PMPCB: variants seen among roughly 807,000 people sequenced by gnomAD.
The protein encoded by PMPCB is mitochondrial-processing peptidase subunit beta.
PMPCB carries 46 observed loss-of-function variants against 61.5 expected under a neutral mutation model. That is an observed-to-expected ratio of 0.75 (90% CI 0.59 to 0.96). The LOEUF (loss-of-function observed/expected upper bound fraction) is 0.96. Among genes scored for constraint, PMPCB ranks in the 40% least tolerant of loss-of-function variants. PMPCB has a pLI of 0.00. For synonymous variants in PMPCB, 191 were observed against 201.6 expected (o/e 0.95, Z 0.44); for missense variants, 590 against 602.4 (o/e 0.98, Z 0.22).
intron 4 of PMPCB, 55 bp from the exon 5 acceptor site, chr7:103,303,787 T>C: frequency 7.7e-7 from 1 of 1,294,332 alleles, no homozygotes. Context: ...TAATAGATTT[T>C]AATAGTGAAA....
chr7:103,337,465 A>C, the PMPCB span: 1 of 314,464 alleles, frequency 3.2e-6, no homozygotes, highest in Admixed American at 4.9e-5. Context: ...ATTTTTTAAA[A>C]GCTTGCCATT....
At position 103,298,575 on chromosome 7, in the gene PMPCB, A is replaced by G; in HGVS notation, c.107A>G (p.Tyr36Cys). 2 of 1,613,890 alleles carry G rather than the reference A, an allele frequency of 1.2e-6. No individual in the cohort carries two copies. Among genetic ancestry groups the G allele is most frequent in the African/African-American group, 1.3e-5 (1 of 75,016 alleles). Residue 36 changes from tyrosine to cysteine, a missense_variant, in exon 2 of 13, where the codon TAT becomes TGT. Coordinates refer to ENST00000249269, the MANE Select transcript of PMPCB (RefSeq NM_004279.3). ...LIRGAAGRSL[Y>C]FGENRLRSTQ... The stretch of plus-strand genomic sequence containing the variant: ...CTTCCTACCCCCAACCAGTCATTAT[A>G]TTTTGGAGAGAACAGATTAAGAAGT...
At chr7:103,329,213 C>T (rs1238019091) in exon 13 of PMPCB, 2 of 250,946 alleles carry the variant, frequency 8.0e-6, no homozygotes, top group South Asian at 4.0e-5. Context: ...TTGACATGTG[C>T]CAGGCCTGTT....
downstream of PMPCB, among the ~76,000 whole-genome samples, chr7:103,317,998 T>C (rs1367176370): frequency 6.6e-6 from 1 of 152,206 alleles, no homozygotes; most frequent in Non-Finnish European, 1.5e-5. Context: ...TACATCTATC[T>C]GATGCACCTT....
the PMPCB span, among the ~76,000 whole-genome samples, chr7:103,346,238 T>A: frequency 6.6e-6 from 1 of 152,146 alleles, no homozygotes; most frequent in African/African-American, 2.4e-5. Context: ...GTTCAAGCGA[T>A]TCTCCTGCCT....
downstream of PMPCB, among the ~76,000 whole-genome samples, chr7:103,318,306 C>T (rs1244693852): frequency 1.3e-5 from 2 of 152,154 alleles, no homozygotes; most frequent in African/African-American, 4.8e-5. Flanking sequence ...GTTGGGACTA[C>T]AGGTACACGA....
rs1346196939 is a variant in PMPCB at position 103,313,690 on chromosome 7, C to T, written c.*1419C>T. ...GTCACATCTGCTAAAATCTTGGGAG[C>T]CGATGCTGAACACTTCCAATAACTG... On this transcript the variant is annotated 3_prime_UTR_variant, in exon 13 of 13. Coordinates refer to ENST00000249269, the MANE Select transcript of PMPCB (RefSeq NM_004279.3). The T allele has an allele frequency of 1.0e-6, 1 of 985,250 alleles. No individual in the cohort carries two copies. The highest frequency in any genetic ancestry group is 1.7e-5 in the African/African-American group (1 of 57,210). 61.0% of individuals were successfully genotyped at this position (985,250 alleles called of 1,614,324 possible). A position where few individuals can be genotyped will look rare whatever the true frequency, so the allele number is the denominator to read the frequency against.
chr7:103,301,503 G>T (rs1817449768), intron 4 of PMPCB, among the ~76,000 whole-genome samples: 1 of 152,144 alleles, frequency 6.6e-6, no homozygotes, highest in Admixed American at 6.5e-5. Context: ...CAGAACAACA[G>T]GGAAGGCAAA....
In PMPCB at chr7:103,319,706, CTT is replaced by C. The variant is rs778369168; in HGVS notation, c.*1431+7577_*1431+7578del. ...AAAGAAAAAAAAAGAAGAAATGAAA[CTT>C]TATCCTAAGCTCAAGTGAAGACTTC... On this transcript the variant is annotated intron_variant and NMD_transcript_variant, in intron 12 of 12. Transcript: ENST00000444457. The C allele has an allele frequency of 7.4e-6, 12 of 1,613,920 alleles. No individual in the cohort carries two copies. In the South Asian group the frequency reaches 1.2e-4, roughly 16 times the overall value.
At chr7:103,343,731 T>C in the PMPCB span, among the ~76,000 whole-genome samples, 1 of 152,198 alleles carries the variant, frequency 6.6e-6, no homozygotes, top group Admixed American at 6.5e-5. Flanking sequence ...TCCTCCACCT[T>C]ACACAGGAGA....
chr7:103,311,937 A>T (rs758485516), intron 11 of PMPCB, 41 bp downstream of exon 11: 4 of 1,519,010 alleles, frequency 2.6e-6, no homozygotes, highest in Non-Finnish European at 3.6e-6. Flanking sequence ...GTGTAAAAAG[A>T]TCCTTGTTAC....
chr7:103,314,016 A>G lies in PMPCB; in HGVS notation c.*1745A>G. 1 of 985,408 alleles carries G rather than the reference A, an allele frequency of 1.0e-6. No homozygotes were observed. Among genetic ancestry groups the G allele is most frequent in the South Asian group, 4.7e-5 (1 of 21,288 alleles). 61.0% of individuals were successfully genotyped at this position (985,408 alleles called of 1,614,324 possible). Reference sequence around the variant, plus strand: ...TAGAAACCAAAGTTCCTTCCCAATTAAAGAAGGAAAAACAAAACAAAACAA... The same window carrying G: ...TAGAAACCAAAGTTCCTTCCCAATTGAAGAAGGAAAAACAAAACAAAACAA... On this transcript the variant is annotated 3_prime_UTR_variant, in exon 13 of 13. Coordinates refer to ENST00000249269, the MANE Select transcript of PMPCB (RefSeq NM_004279.3).
intron 12 of PMPCB, among the ~76,000 whole-genome samples, chr7:103,326,308 A>T (rs1274691186): frequency 1.3e-5 from 2 of 152,168 alleles, no homozygotes; most frequent in African/African-American, 4.8e-5. Context: ...ACTTCCCATA[A>T]ATTGTACAGA....
rs1817947729 is a variant in PMPCB, at chr7:103,314,657, A to G, written c.*2386A>G. 1 of 985,278 alleles carries G rather than the reference A, an allele frequency of 1.0e-6. No individual in the cohort carries two copies. Among genetic ancestry groups the G allele is most frequent in the Non-Finnish European group, 1.2e-6 (1 of 829,884 alleles). The allele number at this position is 985,278 out of a possible 1,614,324, so 61.0% of individuals were successfully genotyped here. A position where few individuals can be genotyped will look rare whatever the true frequency, so the allele number is the denominator to read the frequency against. ...AAACCCTGCCTTGTTACTTACCTTT[A>G]TTAAAAGAACCGAAATAATGCCTAA... On this transcript the variant is annotated 3_prime_UTR_variant, in exon 13 of 13. Coordinates refer to ENST00000249269, the MANE Select transcript of PMPCB (RefSeq NM_004279.3).
Position 103,312,078 on chromosome 7 carries a change from G to C in PMPCB, c.1352G>C (p.Arg451Pro). 1 of 1,613,864 alleles carries C rather than the reference G, an allele frequency of 6.2e-7. No homozygotes were observed. The highest frequency in any genetic ancestry group is 8.5e-7 in the Non-Finnish European group (1 of 1,179,908). Residue 451 changes from arginine (R) to proline (P), a missense_variant, in exon 12 of 13, where the codon CGA becomes CCA. Arg to Pro is a moderately radical substitution (Grantham distance 103, BLOSUM62 -2). Transcript: ENST00000249269. ...CAGGCTGTGAATGCTGAGACAATTC[G>C]AGAAGTATGTACCAAATACATTTAT... ...RIDAVNAETI[R>P]EVCTKYIYNR...
At chr7:103,307,385 CTG>C (rs2115680587) in intron 6 of PMPCB, among the ~76,000 whole-genome samples, 1 of 152,258 alleles carries the variant, frequency 6.6e-6, no homozygotes, top group South Asian at 2.1e-4. Flanking sequence ...TTGATGAAAA[CTG>C]TCATTTGCTC....
intron 9 of PMPCB, 61 bp from the exon 10 acceptor site, chr7:103,311,582 A>C: frequency 8.6e-7 from 1 of 1,158,008 alleles, no homozygotes; most frequent in South Asian, 1.3e-5. Flanking sequence ...CATCATTCTT[A>C]GGTCATTAAC....
At chr7:103,341,926 C>G in the PMPCB span, 1 of 1,607,896 alleles carries the variant, frequency 6.2e-7, no homozygotes, top group Non-Finnish European at 8.5e-7. Context: ...ACCATCTTCC[C>G]ACAGGTTCAA....
the PMPCB span, among the ~76,000 whole-genome samples, chr7:103,346,667 T>C: frequency 4.6e-5 from 7 of 152,370 alleles, no homozygotes; most frequent in South Asian, 1.2e-3. Context: ...ACTTTGTCTT[T>C]AGGAATTTGA....
Sources: allele counts gnomAD v4.1 joint callset (sites outside exome capture counted in the v4.1 genomes callset), GRCh38; gene constraint gnomAD v4.1.1; transcripts MANE v1.5; gene names NCBI Gene and HGNC (gene_info 2026-07-23, HGNC 2026-07-21).